ZNF84: variants seen among roughly 807,000 people sequenced by gnomAD.
ZNF84 encodes zinc finger protein HPF2.
Under a neutral mutation model 14.8 loss-of-function variants are expected in ZNF84, and 12 were observed. The ratio of observed to expected loss-of-function variants is 0.81; its 90% CI spans 0.52 to 1.31. The LOEUF (loss-of-function observed/expected upper bound fraction) is 1.31. ZNF84 is among the 50% of genes most tolerant of loss of function. ZNF84 has a pLI of 0.00. For synonymous variants in ZNF84, 347 were observed against 291.1 expected, an observed-to-expected ratio of 1.19 and a Z score of -1.96; for missense variants, 859 against 878.6, an observed-to-expected ratio of 0.98 and a Z score of 0.28.
chr12:133,057,649 A>G lies in ZNF84; in HGVS notation c.934A>G (p.Thr312Ala). 6.2e-7 allele frequency: 1 copy of G among 1,614,118 alleles called. No homozygotes were observed. Among genetic ancestry groups the G allele is most frequent in the Non-Finnish European group, 8.5e-7 (1 of 1,180,022 alleles). ...GTCACATCTCATATCGCATTGGAGA[A>G]CACACACAGGAGAGAAACCCTATGG... is the stretch of plus-strand genomic sequence containing the variant. The part of the protein sequence containing the change: ...RKSHLISHWR[T>A]HTGEKPYGCN... The change falls in exon 5 of 5, where the codon ACA (threonine) becomes GCA (alanine). Residue 312 changes from threonine (T) to alanine (A), a missense_variant. Transcript: ENST00000539354.
chr12:133,038,856 A>C (rs4758934), intron 1 of ZNF84: 1 of 151,588 alleles, frequency 6.6e-6, no homozygotes, highest in East Asian at 1.9e-4. Context: ...ATTTTATGTG[A>C]GTTGTTTATA....
rs1337759322 is a variant in ZNF84 at position 133,061,055 on chromosome 12, TTAAA to T, written c.*2129_*2132del. Reference sequence around the variant, plus strand: ...GCAACATTTTGGGAAAGTTGGAATTTTAAATAAATGAATAATTTTCTAAACCAGA... The same window carrying T: ...GCAACATTTTGGGAAAGTTGGAATTTTAAATGAATAATTTTCTAAACCAGA... On this transcript the variant is annotated 3_prime_UTR_variant, in exon 5 of 5. Transcript: ENST00000539354. The T allele has an allele frequency of 1.3e-5, 2 of 152,220 alleles. No homozygotes were observed. Among genetic ancestry groups the T allele is most frequent in the Admixed American group, 6.5e-5 (1 of 15,282 alleles). The allele number at this position is 152,220 out of a possible 1,614,324, so 9.4% of individuals were successfully genotyped here. A position where few individuals can be genotyped will look rare whatever the true frequency, so the allele number is the denominator to read the frequency against.
rs1367384059 is a variant in ZNF84, at chr12:133,062,921, CTA to C, written c.*3991_*3992del. 37 of 569,676 alleles carry C rather than the reference CTA, an allele frequency of 6.5e-5. No individual in the cohort carries two copies. Among genetic ancestry groups the C allele is most frequent in the African/African-American group, 6.0e-4 (32 of 53,596 alleles). 35.3% of individuals were successfully genotyped at this position (569,676 alleles called of 1,614,324 possible). A position where few individuals can be genotyped will look rare whatever the true frequency, so the allele number is the denominator to read the frequency against. On this transcript the variant is annotated 3_prime_UTR_variant, in exon 5 of 5. Coordinates refer to ENST00000539354, the MANE Select transcript of ZNF84 (RefSeq NM_001289971.2). ...AAATGCCCTTGTTCCTTGTTAATGC[CTA>C]TTGAATCTATATGAACCTGTACGTG...
chr12:133,059,010 C>T lies in ZNF84; in HGVS notation c.*78C>T. 7.2e-7 allele frequency: 1 copy of T among 1,392,294 alleles called. No individual in the cohort carries two copies. Among genetic ancestry groups the T allele is most frequent in the Middle Eastern group, 2.4e-4 (1 of 4,084 alleles). The allele number at this position is 1,392,294 out of a possible 1,614,324, so 86.2% of individuals were successfully genotyped here. A position where few individuals can be genotyped will look rare whatever the true frequency, so the allele number is the denominator to read the frequency against. Reference sequence around the variant, plus strand: ...AATTATGATAACGTTTGTAGACAGTCACGTCATGTTAGGTGTTTGTACTCC... The same window carrying T: ...AATTATGATAACGTTTGTAGACAGTTACGTCATGTTAGGTGTTTGTACTCC... On this transcript the variant is annotated 3_prime_UTR_variant, in exon 5 of 5. Coordinates refer to ENST00000539354, the MANE Select transcript of ZNF84 (RefSeq NM_001289971.2).
intron 4 of ZNF84, among the ~76,000 whole-genome samples, chr12:133,053,901 C>A (rs969969035): frequency 6.6e-6 from 1 of 152,108 alleles, no homozygotes; most frequent in Non-Finnish European, 1.5e-5. Flanking sequence ...TTTCTCCATA[C>A]CAAATACATC....
chr12:133,058,784 A>G lies in ZNF84; in HGVS notation c.2069A>G (p.Lys690Arg). 1 of 1,614,140 alleles carries G rather than the reference A, an allele frequency of 6.2e-7. No homozygotes were observed. ...EKPYGCSECRKAFSQKSQLVN... is the reference protein window; with the variant it reads ...EKPYGCSECRRAFSQKSQLVN... ...CCCTATGGATGCAGTGAATGTAGGA[A>G]GGCCTTCTCTCAGAAGTCACAGCTG... Residue 690 changes from lysine to arginine, a missense_variant, in exon 5 of 5, where the codon AAG becomes AGG. Lys to Arg is a conservative substitution (Grantham distance 26, BLOSUM62 2). Transcript: ENST00000539354.
At chr12:133,051,810 T>C (rs1437615235) in intron 4 of ZNF84, among the ~76,000 whole-genome samples, 1 of 152,140 alleles carries the variant, frequency 6.6e-6, no homozygotes, top group Non-Finnish European at 1.5e-5. Context: ...CTGAAACCCA[T>C]GTTCTCAGAT....
At position 133,057,367 on chromosome 12, in the gene ZNF84, A is replaced by G. The variant is rs1954178354; in HGVS notation, c.652A>G (p.Lys218Glu). Residue 218 changes from lysine (K) to glutamate (E), a missense_variant, in exon 5 of 5, where the codon AAG (lysine) becomes GAG (glutamate). Physicochemically the swap from Lys to Glu is moderately conservative, Grantham distance 56. Transcript: ENST00000539354. ...CAGTGAATGTAGGAAGCGCTTCAGT[A>G]AGAAACCAAGTCTCATTAAACATCA... ...ECSECRKRFS[K>E]KPSLIKHQSR... is the part of the protein sequence containing the mutation. 6.2e-7 allele frequency: 1 copy of G among 1,613,976 alleles called. No homozygotes were observed. Among genetic ancestry groups the G allele is most frequent in the Middle Eastern group, 1.7e-4 (1 of 6,058 alleles).
Position 133,058,559 on chromosome 12 carries a change from T to C in ZNF84, c.1844T>C (p.Ile615Thr). ...RKAFFEKSEL[I>T]RHLRTHTGEK... Reference sequence around the variant, plus strand: ...GCTTTTTTTGAGAAGTCGGAGCTAATTAGACATCTGAGAACTCATACAGGA... The same window carrying C: ...GCTTTTTTTGAGAAGTCGGAGCTAACTAGACATCTGAGAACTCATACAGGA... The change falls in exon 5 of 5, where the codon ATT (isoleucine) becomes ACT (threonine). Residue 615 changes from isoleucine (I) to threonine (T), a missense_variant. By Grantham distance (89) the Ile-to-Thr change is moderately conservative. Coordinates refer to ENST00000539354, the MANE Select transcript of ZNF84 (RefSeq NM_001289971.2). 1 of 1,613,992 alleles carries C rather than the reference T, an allele frequency of 6.2e-7. No individual in the cohort carries two copies. Among genetic ancestry groups the C allele is most frequent in the Middle Eastern group, 1.6e-4 (1 of 6,062 alleles).
chr12:133,059,109 A>G lies in ZNF84; in HGVS notation c.*177A>G. 1 of 608,688 alleles carries G rather than the reference A, an allele frequency of 1.6e-6. No homozygotes were observed. Among genetic ancestry groups the G allele is most frequent in the Non-Finnish European group, 2.7e-6 (1 of 367,674 alleles). 37.7% of individuals were successfully genotyped at this position (608,688 alleles called of 1,614,324 possible). Reference sequence around the variant, plus strand: ...ATTCATAGAGTAGAGTGAACCTATGACTGCAGTGGATCTCAAAAACTTTTA... The same window carrying G: ...ATTCATAGAGTAGAGTGAACCTATGGCTGCAGTGGATCTCAAAAACTTTTA... On this transcript the variant is annotated 3_prime_UTR_variant, in exon 5 of 5. Transcript: ENST00000539354.
At chr12:133,056,398 C>T (rs926666378) in intron 4 of ZNF84, among the ~76,000 whole-genome samples, 10 of 152,092 alleles carry the variant, frequency 6.6e-5, no homozygotes, top group African/African-American at 9.6e-5. Context: ...GGACTACAGG[C>T]GCCCACCACC....
chr12:133,061,010 C>G lies in ZNF84; in HGVS notation c.*2078C>G, dbSNP rs2137437825. On this transcript the variant is annotated 3_prime_UTR_variant, in exon 5 of 5. Transcript: ENST00000539354. Reference sequence around the variant, plus strand: ...GCACCTTTACCTTAAACAATATTTTCTCCTTTAATTATTGATTTTGCAACA... The same window carrying G: ...GCACCTTTACCTTAAACAATATTTTGTCCTTTAATTATTGATTTTGCAACA... The G allele has an allele frequency of 6.6e-6, 1 of 152,222 alleles. No individual in the cohort carries two copies. The highest frequency in any genetic ancestry group is 2.1e-4 in the South Asian group (1 of 4,826). The allele number at this position is 152,222 out of a possible 1,614,324, so 9.4% of individuals were successfully genotyped here. A position where few individuals can be genotyped will look rare whatever the true frequency, so the allele number is the denominator to read the frequency against.
At chr12:133,053,754 T>G (rs1954108148) in intron 4 of ZNF84, among the ~76,000 whole-genome samples, 1 of 151,888 alleles carries the variant, frequency 6.6e-6, no homozygotes, top group South Asian at 2.1e-4. Flanking sequence ...AAAAACAAAA[T>G]TAATATGTTT....
chr12:133,049,729 T>G (rs1027492052), intron 4 of ZNF84, among the ~76,000 whole-genome samples: 2 of 152,150 alleles, frequency 1.3e-5, no homozygotes, highest in Non-Finnish European at 2.9e-5. Context: ...GATTCCCGCT[T>G]TGGTCTCCCA....
intron 4 of ZNF84, chr12:133,050,715 A>G: frequency 2.5e-6 from 1 of 394,930 alleles, no homozygotes; most frequent in Admixed American, 4.4e-5. Flanking sequence ...CTGCATTCAT[A>G]TTTATGAAAT....
intron 4 of ZNF84, among the ~76,000 whole-genome samples, chr12:133,055,365 A>G (rs1954136331): frequency 6.6e-6 from 1 of 152,166 alleles, no homozygotes; most frequent in Non-Finnish European, 1.5e-5. Context: ...TTTAGATAGA[A>G]TAGTTGTTAT....
chr12:133,043,186 A>T (rs1451470108), intron 2 of ZNF84, among the ~76,000 whole-genome samples: 2 of 150,506 alleles, frequency 1.3e-5, no homozygotes, highest in African/African-American at 2.4e-5. Flanking sequence ...TTTATTTTTT[A>T]TTTTTTTTTG....
In ZNF84 at chr12:133,062,793, C is replaced by A; in HGVS notation, c.*3861C>A. The A allele has an allele frequency of 2.7e-6, 1 of 364,110 alleles. No individual in the cohort carries two copies. Among genetic ancestry groups the A allele is most frequent in the Non-Finnish European group, 5.0e-6 (1 of 199,980 alleles). The allele number at this position is 364,110 out of a possible 1,614,324, so 22.6% of individuals were successfully genotyped here. On this transcript the variant is annotated 3_prime_UTR_variant, in exon 5 of 5. Transcript: ENST00000539354. ...ACCAATGCCTATCTATCTATCATTT[C>A]TGAAAACTTTTTCCTCCTATGCAAT...
In ZNF84 at chr12:133,057,075, T is replaced by G; in HGVS notation, c.360T>G (p.Phe120Leu). 2 of 1,613,600 alleles carry G rather than the reference T, an allele frequency of 1.2e-6. No individual in the cohort carries two copies. The highest frequency in any genetic ancestry group is 2.2e-5 in the East Asian group (1 of 44,844). Residue 120 changes from phenylalanine (F) to leucine (L), a missense_variant, in exon 5 of 5, where the codon TTT (phenylalanine) becomes TTG (leucine). Transcript: ENST00000539354. The part of the protein sequence containing the change: ...FGKNFNLNMN[F>L]VPLRKSNSEG... ...AAAATTTCAATCTGAACATGAACTT[T>G]GTTCCTTTAAGGAAATCAAACAGTG... is the stretch of plus-strand genomic sequence containing the variant.
Sources: gnomAD v4.1 joint callset for allele counts (sites outside exome capture counted in the v4.1 genomes callset) on GRCh38, gnomAD v4.1.1 for gene constraint, MANE v1.5 for transcripts, NCBI Gene and HGNC (gene_info 2026-07-23, HGNC 2026-07-21) for gene names.